Variants in DOCK8 observed in about 807,000 individuals in gnomAD.
DOCK8 encodes dedicator of cytokinesis 8.
A neutral mutation model predicts 245.6 loss-of-function variants in DOCK8; 141 were observed. That is an observed-to-expected ratio of 0.57 (90% CI 0.50 to 0.66). The LOEUF (loss-of-function observed/expected upper bound fraction) is 0.66, where lower values mean the gene tolerates loss of function less well. Among genes scored for constraint, DOCK8 ranks in the 30% least tolerant of loss-of-function variants. The pLI, the probability that DOCK8 is intolerant of heterozygous loss-of-function variation, is 0.00. For synonymous variants in DOCK8, 1,168 were observed against 970.2 expected (o/e 1.20, Z -3.79); for missense variants, 2,965 against 2,603.4 (o/e 1.14, Z -3.02).
intron 28 of DOCK8, among the ~76,000 whole-genome samples, chr9:412,784 G>C (rs1224452007): frequency 6.6e-6 from 1 of 151,358 alleles, no homozygotes; most frequent in Non-Finnish European, 1.5e-5. Flanking sequence ...GATATCATAT[G>C]TTCATGAATC....
chr9:221,541 G>A (rs550940589), intron 1 of DOCK8, among the ~76,000 whole-genome samples: 4 of 152,026 alleles, frequency 2.6e-5, no homozygotes, highest in South Asian at 2.1e-4. Flanking sequence ...GCTGGCCACC[G>A]TGGCTCATGC....
intron 24 of DOCK8, among the ~76,000 whole-genome samples, chr9:392,867 A>G (rs888095754): frequency 1.3e-5 from 2 of 151,956 alleles, no homozygotes; most frequent in Non-Finnish European, 2.9e-5. Flanking sequence ...TTCTATTTAC[A>G]CATCCCACCC....
chr9:234,777 T>G (rs558280060), intron 1 of DOCK8, among the ~76,000 whole-genome samples: 1 of 152,112 alleles, frequency 6.6e-6, no homozygotes, highest in African/African-American at 2.4e-5. Context: ...TTTGCATTGG[T>G]TATTCTAGTT....
intron 12 of DOCK8, among the ~76,000 whole-genome samples, chr9:338,172 G>A (rs928179994): frequency 2.7e-5 from 4 of 150,044 alleles, no homozygotes; most frequent in Non-Finnish European, 4.4e-5. Context: ...AAAAAAAAAA[G>A]AGGTAATATG....
chr9:211,738 T>C (rs1254004010), upstream of DOCK8, among the ~76,000 whole-genome samples: 1 of 152,116 alleles, frequency 6.6e-6, no homozygotes, highest in Non-Finnish European at 1.5e-5. Context: ...CATTCCAAGA[T>C]ACAGGCCTCT....
chr9:289,621 A>G, intron 4 of DOCK8, 40 bp downstream of exon 4: 1 of 1,485,192 alleles, frequency 6.7e-7, no homozygotes, highest in Non-Finnish European at 9.3e-7. Flanking sequence ...ATAAATATTA[A>G]TTTTATATTG....
intron 1 of DOCK8, among the ~76,000 whole-genome samples, chr9:243,057 A>G (rs922523216): frequency 3.3e-5 from 5 of 152,254 alleles, no homozygotes; most frequent in African/African-American, 1.2e-4. Flanking sequence ...GCTGTGGACA[A>G]AGATTCCTTT....
chr9:212,126 G>A (rs1056408442), upstream of DOCK8, among the ~76,000 whole-genome samples: 1 of 152,026 alleles, frequency 6.6e-6, no homozygotes, highest in Non-Finnish European at 1.5e-5. Context: ...TGTGTGGGGG[G>A]GTTAATGTTA....
At chr9:349,498 A>G (rs2052057299) in intron 14 of DOCK8, among the ~76,000 whole-genome samples, 1 of 152,210 alleles carries the variant, frequency 6.6e-6, no homozygotes, top group Non-Finnish European at 1.5e-5. Context: ...CAGGCTAATA[A>G]CTGTACATTT....
chr9:376,872 G>T, intron 19 of DOCK8, 105 bp from the exon 20 acceptor site: 1 of 1,025,746 alleles, frequency 9.7e-7, no homozygotes, highest in Non-Finnish European at 1.5e-6. Flanking sequence ...CTGAAACGCT[G>T]GATAAGAGGT....
At chr9:252,645 A>C (rs1469831307) in intron 1 of DOCK8, among the ~76,000 whole-genome samples, 1 of 151,974 alleles carries the variant, frequency 6.6e-6, no homozygotes, top group Non-Finnish European at 1.5e-5. Flanking sequence ...TCTACTAAAA[A>C]TACAAAAAAT....
At chr9:400,650 C>T (rs1473600750) in intron 26 of DOCK8, among the ~76,000 whole-genome samples, 52 of 125,952 alleles carry the variant, frequency 4.1e-4, no homozygotes, top group South Asian at 5.4e-4. Context: ...ACCATCACCA[C>T]CACCTCCACC....
chr9:420,885 G>A (rs2056246949), intron 31 of DOCK8, 64 bp from the exon 32 acceptor site: 2 of 1,602,964 alleles, frequency 1.2e-6, no homozygotes, highest in Non-Finnish European at 1.7e-6. Context: ...TACTGTTTTG[G>A]TAACTCTCCC....
intron 26 of DOCK8, among the ~76,000 whole-genome samples, chr9:400,167 C>CAGCACT (rs1435588791): frequency 4.3e-5 from 4 of 93,608 alleles, no homozygotes; most frequent in Non-Finnish European, 8.8e-5. Flanking sequence ...CCACCACCAC[C>CAGCACT]TCCACCATCA....
intron 2 of DOCK8, among the ~76,000 whole-genome samples, chr9:272,508 C>T (rs2048190653): frequency 6.6e-6 from 1 of 152,150 alleles, no homozygotes; most frequent in Non-Finnish European, 1.5e-5. Flanking sequence ...ACCTCATCCT[C>T]CCAAGTAGCC....
chr9:239,948 G>A (rs1316355618), intron 1 of DOCK8, among the ~76,000 whole-genome samples: 1 of 152,128 alleles, frequency 6.6e-6, no homozygotes, highest in Non-Finnish European at 1.5e-5. Context: ...GAGCTACATT[G>A]ATTTCCAGTT....
chr9:368,263 A>G (rs768445511), intron 15 of DOCK8, 128 bp downstream of exon 15: 1 of 843,200 alleles, frequency 1.2e-6, no homozygotes, highest in South Asian at 1.3e-5. Context: ...CAGCATGTGC[A>G]AGGGCTTCTG....
intron 39 of DOCK8, 116 bp from the exon 40 acceptor site, chr9:439,129 C>T: frequency 7.4e-7 from 1 of 1,345,078 alleles, no homozygotes; most frequent in Non-Finnish European, 1.1e-6. Flanking sequence ...CTAGTTTAGT[C>T]ACGGTCTTGG....
intron 19 of DOCK8, among the ~76,000 whole-genome samples, chr9:376,733 C>G (rs1484345787): frequency 6.6e-6 from 1 of 152,214 alleles, no homozygotes; most frequent in African/African-American, 2.4e-5. Context: ...CCTCTGCTTA[C>G]AGAACATGTC....
Sources: gnomAD v4.1 joint callset for allele counts (sites outside exome capture counted in the v4.1 genomes callset) on GRCh38, gnomAD v4.1.1 for gene constraint, MANE v1.5 for transcripts, NCBI Gene and HGNC (gene_info 2026-07-23, HGNC 2026-07-21) for gene names.